The following FRMD4A variants were observed in gnomAD, a reference collection of about 807,000 sequenced individuals.
The protein encoded by FRMD4A is FERM domain-containing protein 4A.
In FRMD4A, 29 loss-of-function variants were observed where a neutral mutation model predicts 129.1. That is an observed-to-expected ratio of 0.22 (90% confidence interval 0.17 to 0.31). FRMD4A has a LOEUF of 0.31. FRMD4A is among the 10% of genes least tolerant of loss of function. The pLI is 1.00. For missense variants in FRMD4A, 1,272 were observed against 1,375.8 expected, an observed-to-expected ratio of 0.92 and a Z score of 1.19; for synonymous variants, 634 against 571.6, an observed-to-expected ratio of 1.11 and a Z score of -1.56.
chr10:13,981,193 G>A (rs2095559281), intron 2 of FRMD4A, among the ~76,000 whole-genome samples: 1 of 152,164 alleles, frequency 6.6e-6, no homozygotes, highest in African/African-American at 2.4e-5. Context: ...GTTATGATTT[G>A]GTAACGAAGC....
chr10:13,816,635 T>G (rs994486103), intron 3 of FRMD4A, among the ~76,000 whole-genome samples: 1 of 152,242 alleles, frequency 6.6e-6, no homozygotes, highest in Non-Finnish European at 1.5e-5. Flanking sequence ...TTCTGAAAGT[T>G]TCTTAAACTC....
At chr10:14,311,363 T>A (rs893985421) in intron 2 of FRMD4A, among the ~76,000 whole-genome samples, 1 of 152,180 alleles carries the variant, frequency 6.6e-6, no homozygotes, top group Non-Finnish European at 1.5e-5. Flanking sequence ...AAGGGTCACA[T>A]TTTCTAAGAA....
chr10:13,757,626 CAGAG>C (rs1362593039), intron 8 of FRMD4A, among the ~76,000 whole-genome samples: 4 of 152,206 alleles, frequency 2.6e-5, no homozygotes, highest in Admixed American at 2.6e-4. Context: ...CTGAGCAAAA[CAGAG>C]AGCCCAAAAG....
intron 6 of FRMD4A, among the ~76,000 whole-genome samples, chr10:13,772,195 A>ATAATTATTAT (rs2092476621): frequency 7.5e-5 from 5 of 66,346 alleles, no homozygotes; most frequent in South Asian, 6.7e-4. Flanking sequence ...ATTATTATAT[A>ATAATTATTAT]ATAATAAATA....
chr10:14,056,517 A>AT (rs371194755), intron 2 of FRMD4A, among the ~76,000 whole-genome samples: 5,886 of 151,512 alleles, frequency 0.039, 196 homozygotes, highest in African/African-American at 0.099. Flanking sequence ...TTCTAACTAT[A>AT]TTTTTTTGTA....
At chr10:13,915,074 G>A (rs1241019557) in intron 2 of FRMD4A, among the ~76,000 whole-genome samples, 1 of 152,112 alleles carries the variant, frequency 6.6e-6, no homozygotes, top group Non-Finnish European at 1.5e-5. Flanking sequence ...GTTCTCACTG[G>A]GAGTTAATGG....
At chr10:13,652,934 A>G (rs2081783781) in intron 23 of FRMD4A, 1 of 152,032 alleles carries the variant, frequency 6.6e-6, no homozygotes, top group African/African-American at 2.4e-5. Context: ...CTACCGGTAT[A>G]GTGGGGAAAG....
At chr10:14,054,461 G>A (rs534705748) in intron 2 of FRMD4A, among the ~76,000 whole-genome samples, 2 of 152,200 alleles carry the variant, frequency 1.3e-5, no homozygotes, top group African/African-American at 2.4e-5. Context: ...CAGTGGAAAA[G>A]TTTTCATATG....
chr10:13,952,196 A>T (rs945334183), intron 2 of FRMD4A, among the ~76,000 whole-genome samples: 18 of 148,778 alleles, frequency 1.2e-4, no homozygotes, highest in Non-Finnish European at 2.1e-4. Context: ...TATTATTATT[A>T]TTTTTTAAAT....
intron 21 of FRMD4A, 48 bp from the exon 22 acceptor site, chr10:13,657,570 A>AG: frequency 3.8e-6 from 5 of 1,328,000 alleles, no homozygotes; most frequent in Admixed American, 2.3e-5. Flanking sequence ...AGTGGGCCCA[A>AG]GGAGGGGTGC....
chr10:13,897,240 C>CCTTT (rs2094769143), intron 2 of FRMD4A, among the ~76,000 whole-genome samples: 1 of 152,168 alleles, frequency 6.6e-6, no homozygotes, highest in African/African-American at 2.4e-5. Context: ...GGTTTATGGG[C>CCTTT]CTTTGCCTTG....
chr10:14,101,827 C>T lies in FRMD4A; in HGVS notation c.45+228231G>A, dbSNP rs1042325250. Among the ~76,000 whole-genome samples the T allele has an allele frequency of 3.9e-5, 6 of 152,256 alleles. No individual in the cohort carries two copies. In the East Asian group the frequency reaches 9.6e-4, roughly 24 times the overall value. Reference sequence around the variant, plus strand: ...CCCATAAACTCTTCACAGAGCAAAGCACAGAGGTATATTCTCTTCCTCTTC... The same window carrying T: ...CCCATAAACTCTTCACAGAGCAAAGTACAGAGGTATATTCTCTTCCTCTTC... On this transcript the variant is annotated intron_variant, in intron 2 of 24. Coordinates refer to ENST00000357447, the MANE Select transcript of FRMD4A (RefSeq NM_018027.5).
intron 13 of FRMD4A, among the ~76,000 whole-genome samples, chr10:13,705,310 G>T (rs1287931783): frequency 6.6e-6 from 1 of 152,158 alleles, no homozygotes; most frequent in Non-Finnish European, 1.5e-5. Context: ...AGAGAGTTTA[G>T]CAGTACTCAC....
intron 12 of FRMD4A, among the ~76,000 whole-genome samples, chr10:13,720,308 C>G (rs1366964074): frequency 1.3e-5 from 2 of 152,214 alleles, no homozygotes; most frequent in Non-Finnish European, 2.9e-5. Flanking sequence ...CTCAGCCTCC[C>G]AAAGTGTTGG....
At chr10:14,292,015 T>C (rs1349840917) in intron 2 of FRMD4A, among the ~76,000 whole-genome samples, 1 of 152,112 alleles carries the variant, frequency 6.6e-6, no homozygotes, top group Non-Finnish European at 1.5e-5. Flanking sequence ...AGGTGCTTTA[T>C]AAAGAAAATG....
At chr10:14,186,987 TG>T (rs953985175) in intron 2 of FRMD4A, among the ~76,000 whole-genome samples, 13 of 150,652 alleles carry the variant, frequency 8.6e-5, no homozygotes, top group African/African-American at 3.2e-4. Context: ...TAGTCAGGTG[TG>T]GCGGTGCACA....
chr10:14,225,815 C>T (rs1298310618), intron 2 of FRMD4A, among the ~76,000 whole-genome samples: 3 of 152,160 alleles, frequency 2.0e-5, no homozygotes, highest in Non-Finnish European at 4.4e-5. Flanking sequence ...TTCGATTTCT[C>T]CTGATACATG....
intron 2 of FRMD4A, among the ~76,000 whole-genome samples, chr10:13,955,651 A>G (rs1280707479): frequency 6.6e-6 from 1 of 152,230 alleles, no homozygotes; most frequent in East Asian, 1.9e-4. Context: ...AACACATTGT[A>G]ATACCAGAAG....
intron 4 of FRMD4A, among the ~76,000 whole-genome samples, chr10:13,810,006 T>C (rs930089600): frequency 6.6e-6 from 1 of 152,232 alleles, no homozygotes; most frequent in African/African-American, 2.4e-5. Flanking sequence ...CTGTCTTGCC[T>C]GGCCACTAAC....
Sources: gnomAD v4.1 joint callset for allele counts (sites outside exome capture counted in the v4.1 genomes callset) on GRCh38, gnomAD v4.1.1 for gene constraint, MANE v1.5 for transcripts, NCBI Gene and HGNC (gene_info 2026-07-23, HGNC 2026-07-21) for gene names.